Variants in MYOT observed in about 807,000 individuals in gnomAD.
MYOT encodes myotilin.
Under a neutral mutation model 58.0 loss-of-function variants are expected in MYOT, and 36 were observed. The observed-to-expected ratio is 0.62, with a 90% confidence interval of 0.48 to 0.82. The LOEUF is 0.82. Among genes scored for constraint, MYOT ranks in the 40% least tolerant of loss-of-function variants. The pLI, the probability that MYOT is intolerant of heterozygous loss-of-function variation, is 0.00. For missense variants in MYOT, 505 were observed against 592.1 expected, an observed-to-expected ratio of 0.85 and a Z score of 1.53; for synonymous variants, 218 against 204.6, an observed-to-expected ratio of 1.07 and a Z score of -0.56.
In MYOT at chr5:137,887,455, T is replaced by C. The variant is rs1755642298; in HGVS notation, c.*70T>C. On this transcript the variant is annotated 3_prime_UTR_variant, in exon 10 of 10. Coordinates refer to ENST00000239926, the MANE Select transcript of MYOT (RefSeq NM_006790.3). ...TATATTTGATTACATTTTTTTGAAA[T>C]TAATCCATAGCTGTATTAACAGATT... The C allele has an allele frequency of 2.1e-6, 3 of 1,444,960 alleles. No homozygotes were observed. The highest frequency in any genetic ancestry group is 1.4e-5 in the African/African-American group (1 of 70,884). The allele number at this position is 1,444,960 out of a possible 1,614,324, so 89.5% of individuals were successfully genotyped here.
At chr5:137,878,083 GT>G (rs1755290390) in intron 4 of MYOT, among the ~76,000 whole-genome samples, 1 of 151,708 alleles carries the variant, frequency 6.6e-6, no homozygotes, top group Non-Finnish European at 1.5e-5. Flanking sequence ...TTATATTCCT[GT>G]TTTCAAAAAA....
Position 137,887,444 on chromosome 5 carries a change from T to A in MYOT, c.*59T>A, listed in dbSNP as rs1182107432. On this transcript the variant is annotated 3_prime_UTR_variant, in exon 10 of 10. Transcript: ENST00000239926. ...ACCATTAGTAATATATTTGATTACA[T>A]TTTTTTGAAATTAATCCATAGCTGT... is the stretch of plus-strand genomic sequence containing the variant. 2 of 1,549,798 alleles carry A rather than the reference T, an allele frequency of 1.3e-6. No individual in the cohort carries two copies. The highest frequency in any genetic ancestry group is 8.9e-7 in the Non-Finnish European group (1 of 1,127,408).
chr5:137,879,561 G>A (rs771559128), intron 4 of MYOT, among the ~76,000 whole-genome samples: 3 of 110,260 alleles, frequency 2.7e-5, no homozygotes, highest in Non-Finnish European at 5.0e-5. Flanking sequence ...GTCTTGCTCT[G>A]TCACCCAGGC....
intron 9 of MYOT, 28 bp from the exon 10 acceptor site, chr5:137,887,185 G>A (rs200772501): frequency 6.2e-7 from 1 of 1,613,774 alleles, no homozygotes; most frequent in Non-Finnish European, 8.5e-7. Context: ...CAGGTTTTCT[G>A]AATCAACTTT....
chr5:137,877,731 C>A, intron 4 of MYOT, 110 bp downstream of exon 4: 1 of 774,274 alleles, frequency 1.3e-6, no homozygotes, highest in Non-Finnish European at 2.3e-6. Flanking sequence ...TCAGTTCCAT[C>A]CACCACTGGA....
Position 137,883,603 on chromosome 5 carries a change from A to G in MYOT, c.1024+12A>G. ...GCTGGATGTCCTTGGTAAGCCTCCAAAGAGACCCTTGAGAATTCCTTAAAA... is the reference window on the plus strand; with the variant it reads ...GCTGGATGTCCTTGGTAAGCCTCCAGAGAGACCCTTGAGAATTCCTTAAAA... On this transcript the variant is annotated intron_variant, in intron 7 of 9. Transcript: ENST00000239926. 1 of 1,611,306 alleles carries G rather than the reference A, an allele frequency of 6.2e-7. No individual in the cohort carries two copies. The highest frequency in any genetic ancestry group is 2.2e-5 in the East Asian group (1 of 44,868).
chr5:137,885,746 T>C (rs1253477438), intron 7 of MYOT, among the ~76,000 whole-genome samples: 1 of 114,592 alleles, frequency 8.7e-6, no homozygotes, highest in Admixed American at 1.3e-4. Flanking sequence ...CGCTCCAGCC[T>C]GGGCAAAAGA....
rs972930584 is a variant in MYOT, at chr5:137,870,523, A to T, written c.-129A>T. The T allele has an allele frequency of 1.2e-6, 1 of 828,302 alleles. No homozygotes were observed. Among genetic ancestry groups the T allele is most frequent in the Admixed American group, 1.7e-5 (1 of 57,678 alleles). The allele number at this position is 828,302 out of a possible 1,614,324, so 51.3% of individuals were successfully genotyped here. On this transcript the variant is annotated 5_prime_UTR_variant, in exon 2 of 10. Transcript: ENST00000239926. Reference sequence around the variant, plus strand: ...GGATCTCAACAAGGAAGAGCAGACCAAGGTTGCTTCTGATTCCTTACAACC... The same window carrying T: ...GGATCTCAACAAGGAAGAGCAGACCTAGGTTGCTTCTGATTCCTTACAACC...
chr5:137,881,966 C>A lies in MYOT; in HGVS notation c.684-7C>A. On this transcript the variant is annotated splice_region_variant and splice_polypyrimidine_tract_variant and intron_variant, in intron 5 of 9. Transcript: ENST00000239926. ...TACGCATAGTTGTTACCAAAATATT[C>A]TTGTAGAAGTAGATCAACCTCAAGG... 1 of 1,613,334 alleles carries A rather than the reference C, an allele frequency of 6.2e-7. No individual in the cohort carries two copies. The highest frequency in any genetic ancestry group is 1.1e-5 in the South Asian group (1 of 91,062).
chr5:137,876,782 C>T (rs551782812), intron 3 of MYOT, among the ~76,000 whole-genome samples: 5 of 151,830 alleles, frequency 3.3e-5, no homozygotes, highest in African/African-American at 4.8e-5. Context: ...CCAGCCTGGG[C>T]GACAGAGTGA....
chr5:137,879,412 G>A (rs1755340806), intron 4 of MYOT, among the ~76,000 whole-genome samples: 1 of 151,332 alleles, frequency 6.6e-6, no homozygotes, highest in African/African-American at 2.4e-5. Flanking sequence ...CTACTTGTAT[G>A]TTGGGCTCTG....
intron 7 of MYOT, among the ~76,000 whole-genome samples, chr5:137,884,652 A>G (rs1343676557): frequency 6.6e-6 from 1 of 152,202 alleles, no homozygotes; most frequent in African/African-American, 2.4e-5. Flanking sequence ...GGAAGTGTTC[A>G]TTAGAGCATT....
chr5:137,879,476 G>A (rs1580858551), intron 4 of MYOT, among the ~76,000 whole-genome samples: 1 of 151,322 alleles, frequency 6.6e-6, no homozygotes, highest in East Asian at 1.9e-4. Flanking sequence ...TCACTATTAG[G>A]GGAATTACTC....
rs746638199 is a variant in MYOT at position 137,870,784 on chromosome 5, C to T, written c.133C>T (p.Arg45Cys). 29 of 1,614,026 alleles carry T rather than the reference C, an allele frequency of 1.8e-5. No individual in the cohort carries two copies. Among genetic ancestry groups the T allele is most frequent in the Admixed American group, 1.7e-5 (1 of 59,986 alleles). Residue 45 changes from arginine (R) to cysteine (C), a missense_variant, in exon 2 of 10, where the codon CGC becomes TGC. Transcript: ENST00000239926. ...ACAGTCTTCCATTATCATCCAGCCC[C>T]GCCAGTGTACAGAGCAAAGATTTTC... The part of the protein sequence containing the change: ...TKQSSIIIQP[R>C]QCTEQRFSAS...
Position 137,870,664 on chromosome 5 carries a change from G to A in MYOT, c.13G>A (p.Glu5Lys), listed in dbSNP as rs1755017561. 2 of 1,613,878 alleles carry A rather than the reference G, an allele frequency of 1.2e-6. No homozygotes were observed. The highest frequency in any genetic ancestry group is 1.7e-6 in the Non-Finnish European group (2 of 1,179,884). Residue 5 changes from glutamate (E) to lysine (K), a missense_variant, in exon 2 of 10, where the codon GAA becomes AAA. Transcript: ENST00000239926. Reference sequence around the variant, plus strand: ...ATACCAACTAAGCATGTTTAACTACGAACGTCCAAAACACTTCATCCAGTC... The same window carrying A: ...ATACCAACTAAGCATGTTTAACTACAAACGTCCAAAACACTTCATCCAGTC... MFNY[E>K]RPKHFIQSQN...
intron 2 of MYOT, among the ~76,000 whole-genome samples, chr5:137,873,974 G>A (rs1007830516): frequency 2.6e-5 from 4 of 152,086 alleles, no homozygotes; most frequent in Non-Finnish European, 4.4e-5. Flanking sequence ...TTAAAACTCT[G>A]GCCCTACTTG....
intron 5 of MYOT, 42 bp from the exon 6 acceptor site, chr5:137,881,931 T>C (rs1228580322): frequency 6.2e-7 from 1 of 1,602,996 alleles, no homozygotes; most frequent in Admixed American, 1.7e-5. Flanking sequence ...TGAAAAGCAA[T>C]GATAATATTT....
intron 8 of MYOT, 134 bp from the exon 9 acceptor site, chr5:137,886,730 G>C: frequency 1.4e-6 from 1 of 726,774 alleles, no homozygotes; most frequent in Non-Finnish European, 2.4e-6. Flanking sequence ...AAAACCAATA[G>C]CTATTTGGCA....
rs749732000 is a variant in MYOT at position 137,880,793 on chromosome 5, TCTTA to T, written c.634-19_634-16del. On this transcript the variant is annotated intron_variant, in intron 4 of 9. Transcript: ENST00000239926. ...CAAGCTAACAATTGCATGTAAACAT[TCTTA>T]CTTTGTTTTAATTTCAAGCAACACA... 2 of 1,596,930 alleles carry T rather than the reference TCTTA, an allele frequency of 1.3e-6. No homozygotes were observed. Among genetic ancestry groups the T allele is most frequent in the East Asian group, 2.2e-5 (1 of 44,724 alleles).
Sources: allele counts gnomAD v4.1 joint callset (sites outside exome capture counted in the v4.1 genomes callset), GRCh38; gene constraint gnomAD v4.1.1; transcripts MANE v1.5; gene names NCBI Gene and HGNC (gene_info 2026-07-23, HGNC 2026-07-21).